The following MSH6 variants were observed in gnomAD, a reference collection of about 807,000 sequenced individuals.
The protein encoded by MSH6 is DNA mismatch repair protein Msh6.
Under a neutral mutation model 119.1 loss-of-function variants are expected in MSH6, and 85 were observed. That is an observed-to-expected ratio of 0.71 (90% confidence interval 0.60 to 0.85). MSH6 has a LOEUF of 0.85. Ranked by LOEUF, MSH6 falls within the 40% of genes least tolerant of loss-of-function variation. The pLI is 0.00. For synonymous variants in MSH6, 830 were observed against 586.9 expected, an observed-to-expected ratio of 1.41 and a Z score of -5.99; for missense variants, 2,163 against 1,655.3, an observed-to-expected ratio of 1.31 and a Z score of -5.32.
chr2:47,787,125 C>CA (rs1668395145), intron 1 of MSH6, among the ~76,000 whole-genome samples: 1 of 152,056 alleles, frequency 6.6e-6, no homozygotes, highest in Non-Finnish European at 1.5e-5. Context: ...CCTGTCTCTC[C>CA]AAAAAATAAG....
At chr2:47,788,928 T>G (rs1572705972) in intron 1 of MSH6, among the ~76,000 whole-genome samples, 1 of 84,228 alleles carries the variant, frequency 1.2e-5, no homozygotes, top group African/African-American at 5.7e-5. Flanking sequence ...TTTTGTTTTT[T>G]TTTTTTTTTT....
At chr2:47,788,010 A>C (rs182292467) in intron 1 of MSH6, among the ~76,000 whole-genome samples, 7 of 152,328 alleles carry the variant, frequency 4.6e-5, no homozygotes, top group Admixed American at 2.0e-4. Flanking sequence ...GTTTGTTAGC[A>C]GTGAGTGAAG....
At chr2:47,790,357 C>T (rs911376224) in intron 1 of MSH6, among the ~76,000 whole-genome samples, 2 of 152,070 alleles carry the variant, frequency 1.3e-5, no homozygotes, top group African/African-American at 4.8e-5. Flanking sequence ...CGGGGAGGCA[C>T]GTTACGCCCT....
intron 3 of MSH6, among the ~76,000 whole-genome samples, chr2:47,797,536 C>G (rs1669172636): frequency 1.3e-5 from 2 of 152,212 alleles, no homozygotes; most frequent in South Asian, 4.1e-4. Flanking sequence ...AAGTTGCTTA[C>G]TGCTTTCTTA....
intron 3 of MSH6, 27 bp downstream of exon 3, chr2:47,796,090 T>C (rs914970932): frequency 6.8e-6 from 11 of 1,613,232 alleles, no homozygotes; most frequent in Non-Finnish European, 8.5e-6. Flanking sequence ...ATTCAGTTGT[T>C]ATTTATGTTA....
At chr2:47,785,183 G>T (rs183514150) in intron 1 of MSH6, among the ~76,000 whole-genome samples, 1 of 151,544 alleles carries the variant, frequency 6.6e-6, no homozygotes, top group Non-Finnish European at 1.5e-5. Flanking sequence ...AGAAATAAAG[G>T]CTCAGAAAAA....
rs760023025 is a variant in MSH6 at position 47,806,354 on chromosome 2, A to T, written c.3797A>T (p.His1266Leu). ...YSQNVAVRLGHMACMVENECE... is the reference protein window; with the variant it reads ...YSQNVAVRLGLMACMVENECE... Reference sequence around the variant, plus strand: ...CAAAATGTTGCTGTGCGCCTAGGACATATGGTATGTGCAAATTGTTTTTTT... The same window carrying T: ...CAAAATGTTGCTGTGCGCCTAGGACTTATGGTATGTGCAAATTGTTTTTTT... Residue 1266 changes from histidine to leucine, a missense_variant, in exon 8 of 10, where the codon CAT becomes CTT. Coordinates refer to ENST00000234420, the MANE Select transcript of MSH6 (RefSeq NM_000179.3). 6.2e-7 allele frequency: 1 copy of T among 1,614,146 alleles called. No individual in the cohort carries two copies. Among genetic ancestry groups the T allele is most frequent in the Non-Finnish European group, 8.5e-7 (1 of 1,180,008 alleles).
chr2:47,798,948 C>T lies in MSH6; in HGVS notation c.965C>T (p.Ala322Val), dbSNP rs1253844411. The T allele has an allele frequency of 1.2e-6, 2 of 1,614,196 alleles. No homozygotes were observed. Among genetic ancestry groups the T allele is most frequent in the Non-Finnish European group, 1.7e-6 (2 of 1,180,042 alleles). Residue 322 changes from alanine (A) to valine (V), a missense_variant, in exon 4 of 10, where the codon GCC becomes GTC. Physicochemically the swap from Ala to Val is moderately conservative, Grantham distance 64. Coordinates refer to ENST00000234420, the MANE Select transcript of MSH6 (RefSeq NM_000179.3). ...RKSSRKETPS[A>V]TKQATSISSE... is the part of the protein sequence containing the mutation. Reference sequence around the variant, plus strand: ...AGCTCTAGGAAGGAAACGCCCTCAGCCACCAAACAAGCAACTAGCATTTCA... The same window carrying T: ...AGCTCTAGGAAGGAAACGCCCTCAGTCACCAAACAAGCAACTAGCATTTCA...
rs1669049595 is a variant in MSH6, at chr2:47,795,875, TA to T, written c.458-16del. On this transcript the variant is annotated intron_variant, in intron 2 of 9. Transcript: ENST00000234420. Reference sequence around the variant, plus strand: ...CTCTGCACCCGGCCCTTATTGTTTATAAATACATTTCTTTCTAGGTTCAAAA... The same window carrying T: ...CTCTGCACCCGGCCCTTATTGTTTATAATACATTTCTTTCTAGGTTCAAAA... 1 of 1,611,920 alleles carries T rather than the reference TA, an allele frequency of 6.2e-7. No individual in the cohort carries two copies. The highest frequency in any genetic ancestry group is 1.3e-5 in the African/African-American group (1 of 74,816).
Position 47,803,673 on chromosome 2 carries a change from G to C in MSH6, c.3426G>C (p.Thr1142=), listed in dbSNP as rs747771350. ...VTGPNMGGKS[T]LMRQAGLLAV... ...GACCAAATATGGGGGGCAAGTCTAC[G>C]CTTATGAGACAGGTAACTGATTCTT... Residue 1142 remains threonine (T), a synonymous_variant, in exon 5 of 10, where the codon ACG becomes ACC. Transcript: ENST00000234420. 1 of 1,614,166 alleles carries C rather than the reference G, an allele frequency of 6.2e-7. No individual in the cohort carries two copies. The highest frequency in any genetic ancestry group is 8.5e-7 in the Non-Finnish European group (1 of 1,180,024).
downstream of MSH6, chr2:47,807,984 G>A (rs1572753320): frequency 2.5e-6 from 2 of 787,168 alleles, no homozygotes; most frequent in Non-Finnish European, 4.1e-6. Context: ...GCTTCATAGT[G>A]TCAACTGACC....
At chr2:47,801,361 G>GTTTTTGTT in intron 4 of MSH6, 1 of 88,144 alleles carries the variant, frequency 1.1e-5, no homozygotes, top group Admixed American at 2.4e-4. Context: ...CCTTTCTTCA[G>GTTTTTGTT]TTTTTTTTTT....
At chr2:47,788,907 C>CTTTTTTTTGTT in intron 1 of MSH6, among the ~76,000 whole-genome samples, 1 of 17,296 alleles carries the variant, frequency 5.8e-5, no homozygotes, top group South Asian at 1.7e-3. Context: ...TTTCTTCTTC[C>CTTTTTTTTGTT]TTTTTTTTTT....
chr2:47,790,353 G>C (rs1158261597), intron 1 of MSH6, among the ~76,000 whole-genome samples: 1 of 152,160 alleles, frequency 6.6e-6, no homozygotes, highest in African/African-American at 2.4e-5. Context: ...GAACCGGGGA[G>C]GCACGTTACG....
At chr2:47,801,255 A>G (rs1252149745) in intron 4 of MSH6, 100 bp downstream of exon 4, 50 of 1,247,744 alleles carry the variant, frequency 4.0e-5, no homozygotes, top group Non-Finnish European at 5.2e-5. Context: ...TATATGGTAC[A>G]TATTTTGACA....
chr2:47,784,269 G>T (rs1043743421), intron 1 of MSH6: 1 of 989,616 alleles, frequency 1.0e-6, no homozygotes, highest in Non-Finnish European at 1.2e-6. Flanking sequence ...CCGAGACGAA[G>T]ATAGAATATT....
chr2:47,791,375 A>AAT (rs1200575612), intron 2 of MSH6, among the ~76,000 whole-genome samples: 1 of 152,164 alleles, frequency 6.6e-6, no homozygotes, highest in Admixed American at 6.6e-5. Flanking sequence ...TTATACCCTT[A>AAT]ATAAGGGTAA....
chr2:47,791,765 G>A (rs1235976858), intron 2 of MSH6, among the ~76,000 whole-genome samples: 3 of 145,062 alleles, frequency 2.1e-5, no homozygotes, highest in Admixed American at 7.1e-5. Context: ...TGCAACCTCC[G>A]TCTCCTGGGT....
chr2:47,797,863 C>T (rs929648965), intron 3 of MSH6: 33 of 235,434 alleles, frequency 1.4e-4, no homozygotes, highest in African/African-American at 7.1e-4. Context: ...GTTCAAAATG[C>T]TTGCATCTCT....
Sources: allele counts gnomAD v4.1 joint callset (sites outside exome capture counted in the v4.1 genomes callset), GRCh38; gene constraint gnomAD v4.1.1; transcripts MANE v1.5; gene names NCBI Gene and HGNC (gene_info 2026-07-23, HGNC 2026-07-21).